MYH13: variants seen among roughly 807,000 people sequenced by gnomAD.
MYH13 encodes myosin heavy chain 13, also known as myosin-13.
In MYH13, 177 loss-of-function variants were observed where a neutral mutation model predicts 232.1. The observed-to-expected ratio is 0.76, with a 90% CI of 0.67 to 0.86. The LOEUF (loss-of-function observed/expected upper bound fraction) is 0.86, where lower values mean the gene tolerates loss of function less well. Among genes scored for constraint, MYH13 ranks in the 40% least tolerant of loss-of-function variants. MYH13 has a pLI of 0.00. For missense variants in MYH13, 2,246 were observed against 2,405.9 expected (o/e 0.93, Z 1.39); for synonymous variants, 884 against 923.5 (o/e 0.96, Z 0.78).
intron 7 of MYH13, among the ~76,000 whole-genome samples, chr17:10,359,082 G>A (rs890293180): frequency 3.9e-5 from 6 of 152,150 alleles, no homozygotes; most frequent in Admixed American, 2.6e-4. Flanking sequence ...TTCCTGGTAC[G>A]CAGCTCCTAA....
At chr17:10,332,633 G>A (rs1049903376) in intron 19 of MYH13, among the ~76,000 whole-genome samples, 1 of 152,206 alleles carries the variant, frequency 6.6e-6, no homozygotes, top group Non-Finnish European at 1.5e-5. Flanking sequence ...TCAGAGGAGA[G>A]AGTTAGTCTA....
At chr17:10,317,406 G>T (rs1381886277) in intron 27 of MYH13, 1 of 152,644 alleles carries the variant, frequency 6.6e-6, no homozygotes, top group Non-Finnish European at 1.5e-5. Flanking sequence ...GCACAGGGCT[G>T]CGTGGACGCA....
chr17:10,333,702 C>T (rs776570749), intron 18 of MYH13, among the ~76,000 whole-genome samples: 11 of 152,046 alleles, frequency 7.2e-5, no homozygotes, highest in Admixed American at 1.3e-4. Context: ...AGGTCAGGAG[C>T]TCGAGACCAG....
intron 31 of MYH13, 58 bp downstream of exon 31, chr17:10,312,516 T>G: frequency 6.5e-7 from 1 of 1,531,294 alleles, no homozygotes. Context: ...TAAATAGCAT[T>G]TCCCCAACTT....
intron 13 of MYH13, among the ~76,000 whole-genome samples, chr17:10,345,991 C>CAAAAAAAAAAAAAAA (rs1211414796): frequency 6.0e-5 from 5 of 83,084 alleles, no homozygotes; most frequent in East Asian, 4.1e-4. Flanking sequence ...GACTCTGTCT[C>CAAAAAAAAAAAAAAA]AAAAAAAAAA....
intron 27 of MYH13, among the ~76,000 whole-genome samples, chr17:10,316,714 T>C (rs1443547029): frequency 1.3e-5 from 2 of 152,176 alleles, no homozygotes; most frequent in Non-Finnish European, 2.9e-5. Flanking sequence ...ACACAGAAGG[T>C]TCCCCATGGT....
At chr17:10,310,262 C>T (rs572133077) in intron 33 of MYH13, among the ~76,000 whole-genome samples, 87 of 151,920 alleles carry the variant, frequency 5.7e-4, no homozygotes, top group African/African-American at 2.0e-3. Flanking sequence ...GGCTAATTTT[C>T]GTATTTTTGG....
At chr17:10,314,477 C>G (rs1173554625) in intron 29 of MYH13, among the ~76,000 whole-genome samples, 1 of 151,966 alleles carries the variant, frequency 6.6e-6, no homozygotes, top group Admixed American at 6.6e-5. Flanking sequence ...TCAGCTGTTG[C>G]TGTATTCTTG....
chr17:10,340,019 C>A, intron 18 of MYH13, 131 bp downstream of exon 18: 1 of 744,446 alleles, frequency 1.3e-6, no homozygotes, highest in Admixed American at 2.9e-5. Context: ...ATCTGGCAAC[C>A]CTATTTCAGA....
chr17:10,323,787 A>AAAGAAGAAGAAGAAGAAGAAG (rs571033999), intron 23 of MYH13, among the ~76,000 whole-genome samples: 126 of 66,738 alleles, frequency 1.9e-3, no homozygotes, highest in African/African-American at 5.3e-3. Context: ...AAAAAAAAAA[A>AAAGAAGAAGAAGAAGAAGAAG]AAGAAGAAGA....
In MYH13 at chr17:10,313,241, G is replaced by A. The variant is rs749830989; in HGVS notation, c.4098C>T (p.Ser1366=). 6.2e-7 allele frequency: 1 copy of A among 1,614,188 alleles called. No individual in the cohort carries two copies. The highest frequency in any genetic ancestry group is 2.2e-5 in the East Asian group (1 of 44,872). The change falls in exon 30 of 41, where the codon TCC becomes TCT. Residue 1366 remains serine (S), a synonymous_variant. Coordinates refer to ENST00000252172, the MANE Select transcript of MYH13 (RefSeq NM_003802.3). ...ACTGGGCAACCTCACTGTTGGCCTTGGACAGCGCCCTCTGCAGCTCGGCCT... is the reference window on the plus strand; with the variant it reads ...ACTGGGCAACCTCACTGTTGGCCTTAGACAGCGCCCTCTGCAGCTCGGCCT... The part of the protein sequence containing the change: ...EAKAELQRAL[S]KANSEVAQWR...
chr17:10,336,017 T>C (rs77693151), intron 18 of MYH13, among the ~76,000 whole-genome samples: 6,786 of 152,198 alleles, frequency 0.045, 511 homozygotes, highest in African/African-American at 0.16. Flanking sequence ...GTGTCCGACT[T>C]GGACTGGGAG....
chr17:10,312,987 A>T (rs946883877), intron 30 of MYH13, among the ~76,000 whole-genome samples, 171 bp downstream of exon 30: 4 of 152,022 alleles, frequency 2.6e-5, no homozygotes, highest in Non-Finnish European at 4.4e-5. Flanking sequence ...TGGAATGGAC[A>T]GTTCCCGAGA....
At position 10,309,291 on chromosome 17, in the gene MYH13, C is replaced by A; in HGVS notation, c.5112G>T (p.Arg1704Ser). The A allele has an allele frequency of 1.2e-6, 2 of 1,613,934 alleles. No individual in the cohort carries two copies. The highest frequency in any genetic ancestry group is 1.7e-6 in the Non-Finnish European group (2 of 1,179,858). ...VALEQTERTR[R>S]LSEQELLDAS... ...CGTCCAGCAGCTCCTGCTCTGACAG[C>A]CTGCGGGTCCGCTCCGTCTGTTCCA... is the stretch of plus-strand genomic sequence containing the variant. Residue 1704 changes from arginine (R) to serine (S), a missense_variant, in exon 35 of 41, where the codon AGG becomes AGT. Physicochemically the swap from Arg to Ser is moderately radical, Grantham distance 110. Coordinates refer to ENST00000252172, the MANE Select transcript of MYH13 (RefSeq NM_003802.3).
At chr17:10,307,309 T>C (rs1906327670) in intron 35 of MYH13, among the ~76,000 whole-genome samples, 1 of 152,202 alleles carries the variant, frequency 6.6e-6, no homozygotes, top group Admixed American at 6.5e-5. Flanking sequence ...GAATTTCAAA[T>C]ATTTGAGGAT....
intron 18 of MYH13, among the ~76,000 whole-genome samples, chr17:10,335,246 C>G (rs1004170406): frequency 6.6e-6 from 1 of 152,136 alleles, no homozygotes; most frequent in African/African-American, 2.4e-5. Context: ...TATAAAATTA[C>G]CTTAGGGCTA....
chr17:10,315,149 C>G lies in MYH13; in HGVS notation c.3984+544G>C, dbSNP rs1906655075. ...CTGGAAAGGGGAGTTTCTCAGACCA[C>G]CCTGCGGGGGACAGAGGAGGCCAGG... On this transcript the variant is annotated intron_variant, in intron 29 of 40. Transcript: ENST00000252172. Among the ~76,000 whole-genome samples, 4 of 152,092 alleles carry G rather than the reference C, an allele frequency of 2.6e-5. 1 individual carries two copies. The South Asian group carries it at 8.3e-4, about 32-fold the overall frequency.
Position 10,312,761 on chromosome 17 carries a change from C to A in MYH13, c.4182-4G>T, listed in dbSNP as rs556271241. Reference sequence around the variant, plus strand: ...GAGCCTCTGGGCCAGTTTTTTCCTACGAAAACCAGATTTTTTTTTTCCCCT... The same window carrying A: ...GAGCCTCTGGGCCAGTTTTTTCCTAAGAAAACCAGATTTTTTTTTTCCCCT... On this transcript the variant is annotated splice_region_variant and splice_polypyrimidine_tract_variant and intron_variant, in intron 30 of 40. Transcript: ENST00000252172. 20 of 1,600,638 alleles carry A rather than the reference C, an allele frequency of 1.2e-5. No individual in the cohort carries two copies. The highest frequency in any genetic ancestry group is 1.6e-5 in the Non-Finnish European group (19 of 1,175,716).
At chr17:10,301,502 C>T (rs1437268321) in intron 40 of MYH13, 67 bp downstream of exon 40, 5 of 1,600,038 alleles carry the variant, frequency 3.1e-6, no homozygotes, top group African/African-American at 1.3e-5. Context: ...GGCATTCGCT[C>T]TTACCTGGCC....
Sources: allele counts gnomAD v4.1 joint callset (sites outside exome capture counted in the v4.1 genomes callset), GRCh38; gene constraint gnomAD v4.1.1; transcripts MANE v1.5; gene names NCBI Gene and HGNC (gene_info 2026-07-23, HGNC 2026-07-21).